The following MERTK variants were observed in gnomAD, a reference collection of about 807,000 sequenced individuals.
MERTK encodes the protein tyrosine-protein kinase Mer.
MERTK carries 69 observed loss-of-function variants against 99.3 expected under a neutral mutation model. That is an observed-to-expected ratio of 0.70 (90% CI 0.57 to 0.85). The LOEUF (loss-of-function observed/expected upper bound fraction) is 0.85, where lower values mean the gene tolerates loss of function less well. Ranked by LOEUF, MERTK falls within the 40% of genes least tolerant of loss-of-function variation. MERTK has a pLI of 0.00. For missense variants in MERTK, 1,125 were observed against 1,249.4 expected (o/e 0.90, Z 1.50); for synonymous variants, 426 against 467.6 (o/e 0.91, Z 1.15).
intron 14 of MERTK, 42 bp from the exon 15 acceptor site, chr2:112,009,906 A>C (rs11884693): frequency 1.3e-4 from 195 of 1,457,808 alleles, no homozygotes; most frequent in Non-Finnish European, 1.8e-4. Context: ...TGGTCACAGT[A>C]ACAAGGACTC....
chr2:111,941,842 G>A (rs1684871825), intron 2 of MERTK, among the ~76,000 whole-genome samples: 1 of 152,228 alleles, frequency 6.6e-6, no homozygotes, highest in Admixed American at 6.5e-5. Context: ...TTCCGATTGA[G>A]TTCTCTTTGC....
At chr2:111,981,457 C>A (rs980148535) in intron 7 of MERTK, among the ~76,000 whole-genome samples, 5 of 152,058 alleles carry the variant, frequency 3.3e-5, no homozygotes, top group Non-Finnish European at 5.9e-5. Context: ...CTCTGTTGCC[C>A]AGGCTGAAGT....
chr2:111,903,725 T>G (rs944362589), intron 1 of MERTK, among the ~76,000 whole-genome samples: 2 of 152,328 alleles, frequency 1.3e-5, no homozygotes, highest in African/African-American at 4.8e-5. Flanking sequence ...GGGACTGGCT[T>G]CTGGGGCTTT....
At chr2:111,957,882 T>A (rs1322976706) in intron 4 of MERTK, among the ~76,000 whole-genome samples, 1 of 152,214 alleles carries the variant, frequency 6.6e-6, no homozygotes, top group Non-Finnish European at 1.5e-5. Context: ...ATTTGCGGGA[T>A]TGCTTAATCC....
chr2:111,915,031 T>C (rs1028476100), intron 1 of MERTK, among the ~76,000 whole-genome samples: 6 of 152,220 alleles, frequency 3.9e-5, no homozygotes, highest in Non-Finnish European at 7.3e-5. Context: ...AGATTTGTTT[T>C]TCGGTAGTTT....
rs7604639 is a variant in MERTK at position 111,994,351 on chromosome 2, G to C, written c.1397G>C (p.Arg466Thr). The C allele has an allele frequency of 1.9e-6, 3 of 1,613,926 alleles. No homozygotes were observed. Among genetic ancestry groups the C allele is most frequent in the African/African-American group, 1.3e-5 (1 of 74,930 alleles). ...ACAGTGAGGATTGCAGCCGTCACCA[G>C]AGGGGGAGTTGGGCCCTTCAGTGAT... is the stretch of plus-strand genomic sequence containing the variant. ...TCTVRIAAVT[R>T]GGVGPFSDPV... is the part of the protein sequence containing the mutation. The change falls in exon 9 of 19, where the codon AGA becomes ACA. Residue 466 changes from arginine to threonine, a missense_variant. Transcript: ENST00000295408.
At chr2:111,902,402 G>A (rs959913361) in intron 1 of MERTK, among the ~76,000 whole-genome samples, 2 of 152,182 alleles carry the variant, frequency 1.3e-5, no homozygotes, top group South Asian at 2.1e-4. Context: ...TTTTGGAAAC[G>A]AATCTGATTG....
At chr2:112,012,918 G>A (rs146733970) in intron 15 of MERTK, among the ~76,000 whole-genome samples, 43 of 152,260 alleles carry the variant, frequency 2.8e-4, no homozygotes, top group African/African-American at 9.9e-4. Context: ...AGGCAAAAAT[G>A]TGAGACCCAA....
intron 1 of MERTK, among the ~76,000 whole-genome samples, chr2:111,917,992 G>A (rs950330162): frequency 5.9e-5 from 9 of 151,772 alleles, no homozygotes; most frequent in African/African-American, 1.9e-4. Context: ...TTGTGCAGTC[G>A]TGGCCACCAT....
chr2:111,911,689 CTTTTTTTTTT>C (rs34867670), intron 1 of MERTK, among the ~76,000 whole-genome samples: 4 of 57,730 alleles, frequency 6.9e-5, no homozygotes, highest in Non-Finnish European at 9.1e-5. Context: ...AGCGCCCAGC[CTTTTTTTTTT>C]TTTTTTTTTT....
chr2:112,022,518 A>G, intron 18 of MERTK, 124 bp downstream of exon 18: 1 of 1,440,570 alleles, frequency 6.9e-7, no homozygotes, highest in Middle Eastern at 1.7e-4. Flanking sequence ...GGGCATGTGC[A>G]GAGGGGTGGA....
In MERTK at chr2:111,997,437, C is replaced by T. The variant is rs762042104; in HGVS notation, c.1565C>T (p.Ser522Phe). The part of the protein sequence containing the change: ...FILIGLILYI[S>F]LAIRKRVQET... ...TTGATTGGGTTGATTTTATACATCT[C>T]CTTGGCCATCAGAAAAAGAGTCCAG... Residue 522 changes from serine to phenylalanine, a missense_variant, in exon 10 of 19, where the codon TCC becomes TTC. Ser to Phe is a radical substitution (Grantham distance 155). Transcript: ENST00000295408. 9 of 1,613,978 alleles carry T rather than the reference C, an allele frequency of 5.6e-6. No homozygotes were observed. In the South Asian group the frequency reaches 8.8e-5, roughly 16 times the overall value.
chr2:112,022,169 G>A, intron 17 of MERTK, 89 bp from the exon 18 acceptor site: 1 of 1,572,566 alleles, frequency 6.4e-7, no homozygotes, highest in Non-Finnish European at 8.7e-7. Flanking sequence ...GATCATCAGT[G>A]TTTAAGGAAA....
At chr2:112,003,295 G>A in intron 12 of MERTK, 108 bp downstream of exon 12, 1 of 654,768 alleles carries the variant, frequency 1.5e-6, no homozygotes, top group Admixed American at 2.3e-5. Context: ...AGGACTCTGA[G>A]TTATACTATG....
At chr2:112,004,587 G>C (rs1293853070) in intron 13 of MERTK, among the ~76,000 whole-genome samples, 1 of 152,176 alleles carries the variant, frequency 6.6e-6, no homozygotes, top group East Asian at 1.9e-4. Flanking sequence ...CCAAGAACCT[G>C]CTTTATCCTG....
At chr2:111,981,974 T>G (rs1676381900) in intron 7 of MERTK, among the ~76,000 whole-genome samples, 1 of 152,052 alleles carries the variant, frequency 6.6e-6, no homozygotes, top group Non-Finnish European at 1.5e-5. Context: ...CTGCTTCACT[T>G]CCCCAGGAGT....
At chr2:111,945,191 A>G in intron 3 of MERTK, 131 bp downstream of exon 3, 1 of 707,432 alleles carries the variant, frequency 1.4e-6, no homozygotes, top group South Asian at 1.5e-5. Flanking sequence ...TTGCAAATCT[A>G]TCAGCACTGA....
At chr2:111,963,989 C>T (rs1685306109) in intron 4 of MERTK, among the ~76,000 whole-genome samples, 1 of 147,950 alleles carries the variant, frequency 6.8e-6, no homozygotes, top group South Asian at 2.1e-4. Context: ...TGATATAGCA[C>T]TTGATCATCT....
At chr2:111,990,741 G>C (rs1039170213) in intron 8 of MERTK, among the ~76,000 whole-genome samples, 6 of 152,102 alleles carry the variant, frequency 3.9e-5, no homozygotes, top group African/African-American at 1.4e-4. Context: ...TATTTACTTA[G>C]CATTTCCTTT....
Sources: allele counts gnomAD v4.1 joint callset (sites outside exome capture counted in the v4.1 genomes callset), GRCh38; gene constraint gnomAD v4.1.1; transcripts MANE v1.5; gene names NCBI Gene and HGNC (gene_info 2026-07-23, HGNC 2026-07-21).